SLC6A11: variants seen among roughly 807,000 people sequenced by gnomAD.
SLC6A11 encodes the protein sodium- and chloride-dependent GABA transporter 3.
SLC6A11 carries 25 observed loss-of-function variants against 74.8 expected under a neutral mutation model. That is an observed-to-expected ratio of 0.33 (90% CI 0.24 to 0.47). The LOEUF (loss-of-function observed/expected upper bound fraction) is 0.47. Ranked by LOEUF, SLC6A11 falls within the 20% of genes least tolerant of loss-of-function variation. SLC6A11 has a pLI of 1.00. For missense variants in SLC6A11, 574 were observed against 837.0 expected (o/e 0.69, Z 3.88); for synonymous variants, 330 against 330.2 (o/e 1.00, Z 0.01).
At chr3:10,858,846 G>A (rs1035618916) in intron 5 of SLC6A11, among the ~76,000 whole-genome samples, 1 of 152,182 alleles carries the variant, frequency 6.6e-6, no homozygotes, top group African/African-American at 2.4e-5. Context: ...AGACATAAAG[G>A]CAAATATCTA....
chr3:10,871,084 T>C (rs1194415895), intron 5 of SLC6A11, among the ~76,000 whole-genome samples: 1 of 152,188 alleles, frequency 6.6e-6, no homozygotes, highest in Non-Finnish European at 1.5e-5. Context: ...TTCAAAATTA[T>C]CATCAGCCAC....
At chr3:10,927,457 G>A (rs1051315296) in intron 9 of SLC6A11, among the ~76,000 whole-genome samples, 3 of 152,048 alleles carry the variant, frequency 2.0e-5, no homozygotes, top group Admixed American at 1.3e-4. Flanking sequence ...ATAACCACAC[G>A]GGCTGGGGGC....
intron 5 of SLC6A11, among the ~76,000 whole-genome samples, chr3:10,868,882 T>C (rs1433899238): frequency 1.3e-5 from 2 of 152,224 alleles, no homozygotes; most frequent in Non-Finnish European, 2.9e-5. Context: ...ACCTGGTCTG[T>C]CTTTTAAAGC....
Position 10,835,765 on chromosome 3 carries a change from G to A in SLC6A11, c.624-8449G>A, listed in dbSNP as rs7653062. Among the ~76,000 whole-genome samples, 782 of 152,304 alleles carry A rather than the reference G, an allele frequency of 5.1e-3. 8 individuals carry two copies. The highest frequency in any genetic ancestry group is 0.018 in the African/African-American group (749 of 41,552). ...GTGTACAAGATAACTACACAAAAGCGCCTGACACGTCTTCCCAAGTGTGTG... is the reference window on the plus strand; with the variant it reads ...GTGTACAAGATAACTACACAAAAGCACCTGACACGTCTTCCCAAGTGTGTG... On this transcript the variant is annotated intron_variant, in intron 4 of 13. Transcript: ENST00000254488.
intron 5 of SLC6A11, among the ~76,000 whole-genome samples, chr3:10,867,333 A>C (rs28595895): frequency 0.13 from 19,686 of 152,248 alleles, 1,576 homozygotes; most frequent in African/African-American, 0.22. Context: ...CACTTCCAGC[A>C]TTGTGACCTA....
intron 4 of SLC6A11, among the ~76,000 whole-genome samples, chr3:10,827,741 T>C (rs1694234036): frequency 1.3e-5 from 2 of 152,186 alleles, no homozygotes; most frequent in South Asian, 4.1e-4. Flanking sequence ...GAAGCAGAGT[T>C]GAGACAAGCC....
At chr3:10,844,422 G>A in intron 5 of SLC6A11, 76 bp downstream of exon 5, 1 of 1,579,610 alleles carries the variant, frequency 6.3e-7, no homozygotes, top group South Asian at 1.1e-5. Flanking sequence ...AGAGTAACAG[G>A]GAGTTCATGT....
chr3:10,882,543 C>T (rs1435677937), intron 6 of SLC6A11, among the ~76,000 whole-genome samples: 1 of 152,166 alleles, frequency 6.6e-6, no homozygotes, highest in Non-Finnish European at 1.5e-5. Context: ...AATCTCCAGA[C>T]CTGGAACAGT....
At chr3:10,831,368 C>T (rs1189610166) in intron 4 of SLC6A11, among the ~76,000 whole-genome samples, 1 of 152,010 alleles carries the variant, frequency 6.6e-6, no homozygotes, top group Admixed American at 6.6e-5. Flanking sequence ...TTAGAAAGGA[C>T]ATGTAAAATA....
chr3:10,921,492 G>A (rs950373088), intron 8 of SLC6A11, among the ~76,000 whole-genome samples: 1 of 152,130 alleles, frequency 6.6e-6, no homozygotes, highest in Non-Finnish European at 1.5e-5. Flanking sequence ...AAAGCTAGTA[G>A]ATGAAACAAA....
chr3:10,889,404 G>A (rs1162694385), intron 6 of SLC6A11, among the ~76,000 whole-genome samples: 1 of 152,134 alleles, frequency 6.6e-6, no homozygotes, highest in Non-Finnish European at 1.5e-5. Context: ...CACCACTGCA[G>A]TATCACACAG....
chr3:10,938,189 G>C (rs1323754694), intron 13 of SLC6A11, 61 bp from the exon 14 acceptor site: 2 of 1,489,852 alleles, frequency 1.3e-6, no homozygotes, highest in Admixed American at 2.0e-5. Flanking sequence ...GAGAGGCCAC[G>C]GCAGACCCTG....
intron 6 of SLC6A11, among the ~76,000 whole-genome samples, chr3:10,910,736 C>T (rs779648694): frequency 6.6e-6 from 1 of 151,838 alleles, no homozygotes; most frequent in Non-Finnish European, 1.5e-5. Context: ...GGTTTGGGCA[C>T]ATTACTCAAC....
intron 6 of SLC6A11, among the ~76,000 whole-genome samples, chr3:10,893,881 T>A (rs1695138872): frequency 6.6e-6 from 1 of 152,232 alleles, no homozygotes; most frequent in Non-Finnish European, 1.5e-5. Flanking sequence ...CAGCCTTAAG[T>A]ACGTTGGCAT....
At chr3:10,848,988 A>G (rs1694539349) in intron 5 of SLC6A11, among the ~76,000 whole-genome samples, 1 of 152,188 alleles carries the variant, frequency 6.6e-6, no homozygotes, top group Admixed American at 6.5e-5. Flanking sequence ...CTGTATCTCC[A>G]GCTTGGAGTT....
chr3:10,870,188 G>A (rs994804354), intron 5 of SLC6A11, among the ~76,000 whole-genome samples: 1 of 152,130 alleles, frequency 6.6e-6, no homozygotes, highest in Non-Finnish European at 1.5e-5. Flanking sequence ...TTCCCAACCT[G>A]TCTCCATAGC....
At chr3:10,890,603 A>C (rs574473049) in intron 6 of SLC6A11, among the ~76,000 whole-genome samples, 1 of 152,210 alleles carries the variant, frequency 6.6e-6, no homozygotes, top group Admixed American at 6.5e-5. Context: ...TTCCGCTCTA[A>C]ATCCCACGCT....
chr3:10,897,994 C>T lies in SLC6A11; in HGVS notation c.892-14096C>T, dbSNP rs1169662261. Among the ~76,000 whole-genome samples the T allele has an allele frequency of 1.1e-4, 16 of 152,364 alleles. 1 individual carries two copies. The East Asian group carries it at 1.4e-3, about 13-fold the overall frequency. ...ATGTGCACTCCCAGGCTCAACACCA[C>T]GTGGAAGCTGCCAAGGCTTGGGGCT... is the stretch of plus-strand genomic sequence containing the variant. On this transcript the variant is annotated intron_variant, in intron 6 of 13. Transcript: ENST00000254488.
chr3:10,820,171 G>C (rs1694119846), intron 3 of SLC6A11, among the ~76,000 whole-genome samples: 2 of 152,174 alleles, frequency 1.3e-5, no homozygotes, highest in Admixed American at 6.5e-5. Flanking sequence ...ACTAGACTTA[G>C]ACTCAGGGGA....
Sources: allele counts gnomAD v4.1 joint callset (sites outside exome capture counted in the v4.1 genomes callset), GRCh38; gene constraint gnomAD v4.1.1; transcripts MANE v1.5; gene names NCBI Gene and HGNC (gene_info 2026-07-23, HGNC 2026-07-21).